Variants in CDC42EP3 observed in about 807,000 individuals in gnomAD.
CDC42EP3 encodes CDC42 effector protein 3, also known as CDC42 effector protein (Rho GTPase binding) 3.
A neutral mutation model predicts 15.5 loss-of-function variants in CDC42EP3; 4 were observed. The observed-to-expected ratio is 0.26, with a 90% CI of 0.13 to 0.59. The LOEUF is 0.59. CDC42EP3 is among the 20% of genes least tolerant of loss of function. The pLI, the probability that CDC42EP3 is intolerant of heterozygous loss-of-function variation, is 0.89. For missense variants in CDC42EP3, 309 were observed against 311.2 expected (o/e 0.99, Z 0.05); for synonymous variants, 145 against 130.3 (o/e 1.11, Z -0.77).
intron 1 of CDC42EP3, among the ~76,000 whole-genome samples, chr2:37,648,749 C>T (rs1665564612): frequency 6.6e-6 from 1 of 152,216 alleles, no homozygotes; most frequent in Non-Finnish European, 1.5e-5. Context: ...AAGTTGAAGC[C>T]CATGTTCTTC....
At chr2:37,664,289 C>T (rs1255926014) in intron 1 of CDC42EP3, among the ~76,000 whole-genome samples, 1 of 152,234 alleles carries the variant, frequency 6.6e-6, no homozygotes, top group African/African-American at 2.4e-5. Flanking sequence ...ACACATCAGA[C>T]TCCAAGTTCT....
intron 1 of CDC42EP3, among the ~76,000 whole-genome samples, chr2:37,648,123 G>A (rs1665535471): frequency 6.6e-6 from 1 of 152,314 alleles, no homozygotes; most frequent in South Asian, 2.1e-4. Context: ...ACAAGGCATT[G>A]GGGTTGTAAT....
In CDC42EP3 at chr2:37,646,592, G is replaced by T. The variant is rs745914368; in HGVS notation, c.-5C>A. ...AATTGGGGTCTTGGCTGGCATTTTG[G>T]AATTTGAGAATGTCTATTTTGCAAG... is the stretch of plus-strand genomic sequence containing the variant. On this transcript the variant is annotated 5_prime_UTR_variant, in exon 2 of 2. Coordinates refer to ENST00000295324, the MANE Select transcript of CDC42EP3 (RefSeq NM_006449.5). 2 of 1,527,972 alleles carry T rather than the reference G, an allele frequency of 1.3e-6. No homozygotes were observed. The highest frequency in any genetic ancestry group is 1.3e-5 in the South Asian group (1 of 75,966). The allele number at this position is 1,527,972 out of a possible 1,614,324, so 94.7% of individuals were successfully genotyped here. A position where few individuals can be genotyped will look rare whatever the true frequency, so the allele number is the denominator to read the frequency against.
rs902280267 is a variant in CDC42EP3, at chr2:37,641,976, A to C, written c.*3847T>G. Reference sequence around the variant, plus strand: ...TAAAACAGATTTCATTGTGTTATACATCACTTCATAAAGTAAGCATAGTTC... The same window carrying C: ...TAAAACAGATTTCATTGTGTTATACCTCACTTCATAAAGTAAGCATAGTTC... On this transcript the variant is annotated 3_prime_UTR_variant, in exon 2 of 2. Coordinates refer to ENST00000295324, the MANE Select transcript of CDC42EP3 (RefSeq NM_006449.5). 13 of 152,212 alleles carry C rather than the reference A, an allele frequency of 8.5e-5. No homozygotes were observed. Among genetic ancestry groups the C allele is most frequent in the African/African-American group, 2.9e-4 (12 of 41,456 alleles). The allele number at this position is 152,212 out of a possible 1,614,324, so 9.4% of individuals were successfully genotyped here.
chr2:37,656,533 T>C (rs1316389208), intron 1 of CDC42EP3, among the ~76,000 whole-genome samples: 1 of 152,226 alleles, frequency 6.6e-6, no homozygotes, highest in Non-Finnish European at 1.5e-5. Flanking sequence ...TTTACACCTG[T>C]GAAGAGTACT....
intron 1 of CDC42EP3, among the ~76,000 whole-genome samples, chr2:37,668,328 C>T (rs1425715807): frequency 6.6e-6 from 1 of 152,190 alleles, no homozygotes; most frequent in Admixed American, 6.5e-5. Context: ...AAAACAAAAG[C>T]AACATTGAAA....
rs1211678002 is a variant in CDC42EP3 at position 37,671,614 on chromosome 2, C to T, written c.-424G>A. ...CCGGGCTAGCCCCGCGCTGCGGTCC[C>T]CCGGCCGCGAGAGAAGGTGCGCGCG... On this transcript the variant is annotated 5_prime_UTR_variant, in exon 1 of 2. Coordinates refer to ENST00000295324, the MANE Select transcript of CDC42EP3 (RefSeq NM_006449.5). 6.6e-6 allele frequency: 1 copy of T among 152,286 alleles called. No homozygotes were observed. The highest frequency in any genetic ancestry group is 1.5e-5 in the Non-Finnish European group (1 of 67,986). The allele number at this position is 152,286 out of a possible 1,614,324, so 9.4% of individuals were successfully genotyped here.
chr2:37,654,059 G>C (rs1665772030), intron 1 of CDC42EP3, among the ~76,000 whole-genome samples: 1 of 152,172 alleles, frequency 6.6e-6, no homozygotes, highest in South Asian at 2.1e-4. Context: ...CCCCATGCCA[G>C]AGTATCCAGC....
rs3731852 is a variant in CDC42EP3 at position 37,643,794 on chromosome 2, C to G, written c.*2029G>C. On this transcript the variant is annotated 3_prime_UTR_variant, in exon 2 of 2. Transcript: ENST00000295324. Reference sequence around the variant, plus strand: ...ATTTAGAATAGGCTGGGAAATTTCTCTTTGGAACTGTGAACTGTGACGGGT... The same window carrying G: ...ATTTAGAATAGGCTGGGAAATTTCTGTTTGGAACTGTGAACTGTGACGGGT... The G allele has an allele frequency of 0.36, 54,120 of 152,046 alleles. 10,583 individuals are homozygous for G. The highest frequency in any genetic ancestry group is 0.58 in the East Asian group (2,993 of 5,160). 9.4% of individuals were successfully genotyped at this position (152,046 alleles called of 1,614,324 possible).
At chr2:37,652,173 T>C (rs1665706168) in intron 1 of CDC42EP3, among the ~76,000 whole-genome samples, 1 of 7,188 alleles carries the variant, frequency 1.4e-4, no homozygotes, top group Non-Finnish European at 2.5e-4. Context: ...AGACTCCCTC[T>C]CAAAAAAAAA....
intron 1 of CDC42EP3, among the ~76,000 whole-genome samples, chr2:37,670,474 TTCGC>T (rs1476308437): frequency 6.7e-6 from 1 of 149,664 alleles, no homozygotes; most frequent in Non-Finnish European, 1.5e-5. Context: ...CTCATTTTAA[TTCGC>T]TCACTTTTTT....
At chr2:37,663,169 AAAAACAAAAC>A (rs139174965) in intron 1 of CDC42EP3, among the ~76,000 whole-genome samples, 13,194 of 151,418 alleles carry the variant, frequency 0.087, 1,170 homozygotes, top group African/African-American at 0.2. Context: ...ACTCGGTCTC[AAAAACAAAAC>A]AAAACAAAAC....
upstream of CDC42EP3, among the ~76,000 whole-genome samples, chr2:37,672,797 T>A (rs1482645400): frequency 2.0e-5 from 3 of 152,048 alleles, no homozygotes; most frequent in Non-Finnish European, 4.4e-5. Flanking sequence ...TGGATGGAAA[T>A]CCTGGCACAA....
intron 1 of CDC42EP3, among the ~76,000 whole-genome samples, chr2:37,651,177 C>G (rs1269446839): frequency 6.6e-6 from 1 of 152,096 alleles, no homozygotes; most frequent in Non-Finnish European, 1.5e-5. Context: ...TTTGTACTGG[C>G]TTATCTATAG....
At chr2:37,650,848 C>T (rs1020467159) in intron 1 of CDC42EP3, among the ~76,000 whole-genome samples, 1 of 152,190 alleles carries the variant, frequency 6.6e-6, no homozygotes, top group African/African-American at 2.4e-5. Flanking sequence ...GGTCCAAACT[C>T]AGTAGAGGCA....
intron 1 of CDC42EP3, among the ~76,000 whole-genome samples, chr2:37,654,729 G>A (rs993858558): frequency 1.3e-5 from 2 of 152,142 alleles, no homozygotes; most frequent in South Asian, 2.1e-4. Context: ...ATAGAAAAAC[G>A]CACACGGACT....
At chr2:37,669,989 A>C (rs1666354992) in intron 1 of CDC42EP3, among the ~76,000 whole-genome samples, 1 of 152,344 alleles carries the variant, frequency 6.6e-6, no homozygotes, top group Middle Eastern at 3.4e-3. Context: ...AACTACCAAT[A>C]AGAGCTCACA....
rs999275989 is a variant in CDC42EP3 at position 37,642,243 on chromosome 2, A to G, written c.*3580T>C. On this transcript the variant is annotated 3_prime_UTR_variant, in exon 2 of 2. Transcript: ENST00000295324. The stretch of plus-strand genomic sequence containing the variant: ...AAAAGACCATCTCCTCCTTTAGGAA[A>G]TACATGTATTGCTTAGCCAGTACCA... 6 of 152,238 alleles carry G rather than the reference A, an allele frequency of 3.9e-5. No homozygotes were observed. The highest frequency in any genetic ancestry group is 1.4e-4 in the African/African-American group (6 of 41,456). The allele number at this position is 152,238 out of a possible 1,614,324, so 9.4% of individuals were successfully genotyped here.
intron 1 of CDC42EP3, among the ~76,000 whole-genome samples, chr2:37,648,476 A>G (rs1402875211): frequency 6.6e-6 from 1 of 152,234 alleles, no homozygotes; most frequent in Non-Finnish European, 1.5e-5. Flanking sequence ...GCTCAGTAAC[A>G]GCTAACTCAA....
Sources: allele counts gnomAD v4.1 joint callset (sites outside exome capture counted in the v4.1 genomes callset), GRCh38; gene constraint gnomAD v4.1.1; transcripts MANE v1.5; gene names NCBI Gene and HGNC (gene_info 2026-07-23, HGNC 2026-07-21).